Variants in EML6 observed in about 807,000 individuals in gnomAD.
EML6 encodes the protein echinoderm microtubule-associated protein-like 6.
EML6 carries 154 observed loss-of-function variants against 240.1 expected under a neutral mutation model. The ratio of observed to expected loss-of-function variants is 0.64; its 90% CI spans 0.56 to 0.73. EML6 has a LOEUF of 0.73. Ranked by LOEUF, EML6 falls within the 30% of genes least tolerant of loss-of-function variation. The pLI is 0.00. For synonymous variants in EML6, 1,148 were observed against 899.0 expected (o/e 1.28, Z -4.95); for missense variants, 2,964 against 2,474.6 (o/e 1.20, Z -4.20).
At chr2:54,738,095 T>A (rs1424035298) in intron 2 of EML6, among the ~76,000 whole-genome samples, 1 of 152,230 alleles carries the variant, frequency 6.6e-6, no homozygotes, top group East Asian at 1.9e-4. Flanking sequence ...AACACATTCC[T>A]TATTGCACAT....
chr2:54,959,345 A>C (rs2104523307), intron 34 of EML6, 84 bp downstream of exon 34: 1 of 1,303,174 alleles, frequency 7.7e-7, no homozygotes, highest in East Asian at 2.6e-5. Flanking sequence ...ACTTGGAGAA[A>C]ATGCAGACTG....
At chr2:54,736,565 C>T (rs1055380754) in intron 2 of EML6, among the ~76,000 whole-genome samples, 6 of 152,184 alleles carry the variant, frequency 3.9e-5, no homozygotes, top group African/African-American at 1.4e-4. Flanking sequence ...ATCTCTCATT[C>T]ACTTTTCAAC....
chr2:54,780,682 A>G (rs1285221511), intron 2 of EML6, among the ~76,000 whole-genome samples: 1 of 152,226 alleles, frequency 6.6e-6, no homozygotes, highest in East Asian at 1.9e-4. Flanking sequence ...TGTACTACAC[A>G]GTTTTTGATG....
At chr2:54,792,874 GTTAC>G (rs1558552575) in intron 2 of EML6, among the ~76,000 whole-genome samples, 3 of 152,276 alleles carry the variant, frequency 2.0e-5, no homozygotes, top group South Asian at 2.1e-4. Flanking sequence ...GGAAGTAGTA[GTTAC>G]TTCTGTCAGA....
intron 2 of EML6, among the ~76,000 whole-genome samples, chr2:54,802,022 C>G (rs564467637): frequency 1.3e-5 from 2 of 152,308 alleles, no homozygotes; most frequent in Middle Eastern, 3.4e-3. Flanking sequence ...TGCTCTTACT[C>G]AGATGTCTGA....
Position 54,916,951 on chromosome 2 carries a change from T to C in EML6, c.3675+16T>C, listed in dbSNP as rs1212803699. ...TCCTGTCAAGGTAATATTGCGTGTTTATTATCTTTACTTGCTCAGTCTCCT... is the reference window on the plus strand; with the variant it reads ...TCCTGTCAAGGTAATATTGCGTGTTCATTATCTTTACTTGCTCAGTCTCCT... On this transcript the variant is annotated intron_variant, in intron 26 of 41. Transcript: ENST00000356458. 2.6e-6 allele frequency: 4 copies of C among 1,516,978 alleles called. No individual in the cohort carries two copies. In the South Asian group the frequency reaches 4.8e-5, roughly 18 times the overall value. 94.0% of individuals were successfully genotyped at this position (1,516,978 alleles called of 1,614,324 possible).
intron 7 of EML6, among the ~76,000 whole-genome samples, chr2:54,841,776 A>G (rs534844759): frequency 1.3e-5 from 2 of 152,020 alleles, no homozygotes; most frequent in South Asian, 4.2e-4. Context: ...TATTTTTAGT[A>G]GAGACGGGAT....
intron 2 of EML6, among the ~76,000 whole-genome samples, chr2:54,726,248 C>T (rs1682902322): frequency 6.6e-6 from 1 of 152,176 alleles, no homozygotes; most frequent in African/African-American, 2.4e-5. Context: ...TTATACCTTC[C>T]AAACTTGTGT....
At chr2:54,801,880 T>C (rs933345402) in intron 2 of EML6, among the ~76,000 whole-genome samples, 20 of 152,200 alleles carry the variant, frequency 1.3e-4, no homozygotes, top group Non-Finnish European at 1.9e-4. Flanking sequence ...GTCTTCTGGA[T>C]AACGATTTCT....
At chr2:54,827,525 A>G (rs1186897610) in intron 5 of EML6, 41 bp from the exon 6 acceptor site, 2 of 1,484,850 alleles carry the variant, frequency 1.3e-6, no homozygotes, top group East Asian at 4.9e-5. Context: ...ATACATCCGA[A>G]TACTCTATCT....
intron 2 of EML6, among the ~76,000 whole-genome samples, chr2:54,739,652 T>C (rs1032119840): frequency 1.3e-5 from 2 of 152,208 alleles, no homozygotes; most frequent in African/African-American, 4.8e-5. Context: ...AGTCCACATA[T>C]GCACAGCCAG....
chr2:54,950,840 C>T, intron 30 of EML6, 61 bp downstream of exon 30: 1 of 1,490,370 alleles, frequency 6.7e-7, no homozygotes, highest in East Asian at 2.5e-5. Flanking sequence ...GCTTTCCCCA[C>T]TCTTTAGATG....
intron 24 of EML6, among the ~76,000 whole-genome samples, chr2:54,907,343 C>A (rs1267199849): frequency 1.3e-5 from 2 of 152,074 alleles, no homozygotes; most frequent in African/African-American, 4.8e-5. Flanking sequence ...CCTATCTCTA[C>A]TAAAATTACA....
rs1676632148 is a variant in EML6, at chr2:54,963,841, G to C, written c.5158-145G>C. The C allele has an allele frequency of 4.3e-6, 3 of 691,358 alleles. No individual in the cohort carries two copies. In the East Asian group the frequency reaches 8.4e-5, roughly 19 times the overall value. 42.8% of individuals were successfully genotyped at this position (691,358 alleles called of 1,614,324 possible). On this transcript the variant is annotated intron_variant, in intron 36 of 41. Transcript: ENST00000356458. Reference sequence around the variant, plus strand: ...CATACAGCTCTGCTCAGTTATTCAGGGACATTTACTCTAAGAAGCAAGAGA... The same window carrying C: ...CATACAGCTCTGCTCAGTTATTCAGCGACATTTACTCTAAGAAGCAAGAGA...
intron 12 of EML6, among the ~76,000 whole-genome samples, chr2:54,860,344 C>T (rs979034470): frequency 7.2e-5 from 11 of 152,132 alleles, no homozygotes; most frequent in Non-Finnish European, 7.4e-5. Context: ...AGTGCTCAAG[C>T]CTTCCAGGGA....
chr2:54,829,520 T>C lies in EML6; in HGVS notation c.847+43T>C, dbSNP rs758106449. ...CTTACCTGTAACTCTGGATGTGAAATATAATGTGAAGTTCTGTATTCATAT... is the reference window on the plus strand; with the variant it reads ...CTTACCTGTAACTCTGGATGTGAAACATAATGTGAAGTTCTGTATTCATAT... On this transcript the variant is annotated intron_variant, in intron 7 of 41. Transcript: ENST00000356458. The C allele has an allele frequency of 6.8e-6, 10 of 1,480,092 alleles. No homozygotes were observed. The South Asian group carries it at 1.2e-4, about 18-fold the overall frequency. The allele number at this position is 1,480,092 out of a possible 1,614,324, so 91.7% of individuals were successfully genotyped here. A position where few individuals can be genotyped will look rare whatever the true frequency, so the allele number is the denominator to read the frequency against.
In EML6 at chr2:54,971,192, T is replaced by C. The variant is rs919645596; in HGVS notation, c.*1097T>C. 2.0e-5 allele frequency: 3 copies of C among 152,256 alleles called. No individual in the cohort carries two copies. 9.4% of individuals were successfully genotyped at this position (152,256 alleles called of 1,614,324 possible). Reference sequence around the variant, plus strand: ...AAAAAATTATCTGCAGAACAAATTGTAAACCCAAGGAATAGCTGGTAAATC... The same window carrying C: ...AAAAAATTATCTGCAGAACAAATTGCAAACCCAAGGAATAGCTGGTAAATC... On this transcript the variant is annotated 3_prime_UTR_variant, in exon 42 of 42. Transcript: ENST00000356458.
chr2:54,878,256 G>T (rs1314343516), intron 16 of EML6, among the ~76,000 whole-genome samples: 1 of 152,146 alleles, frequency 6.6e-6, no homozygotes, highest in Non-Finnish European at 1.5e-5. Flanking sequence ...TACCGGTTGG[G>T]ACCTCCGAGT....
intron 16 of EML6, 50 bp downstream of exon 16, chr2:54,871,655 A>G: frequency 7.5e-7 from 1 of 1,330,954 alleles, no homozygotes; most frequent in Non-Finnish European, 1.1e-6. Context: ...AGAGAGAGAG[A>G]CACAGAGAGA....
Sources: gnomAD v4.1 joint callset for allele counts (sites outside exome capture counted in the v4.1 genomes callset) on GRCh38, gnomAD v4.1.1 for gene constraint, MANE v1.5 for transcripts, NCBI Gene and HGNC (gene_info 2026-07-23, HGNC 2026-07-21) for gene names.